CAMTA1: variants seen among roughly 807,000 people sequenced by gnomAD.
CAMTA1 encodes calmodulin-binding transcription activator 1.
CAMTA1 carries 27 observed loss-of-function variants against 170.9 expected under a neutral mutation model. The ratio of observed to expected loss-of-function variants is 0.16; its 90% confidence interval spans 0.12 to 0.22. CAMTA1 has a LOEUF of 0.22. Among genes scored for constraint, CAMTA1 ranks in the 10% least tolerant of loss-of-function variants. The pLI is 1.00. For synonymous variants in CAMTA1, 833 were observed against 891.5 expected (o/e 0.93, Z 1.17); for missense variants, 1,619 against 2,217.2 (o/e 0.73, Z 5.42).
chr1:6,815,578 T>C (rs1645694396), intron 1 of CAMTA1, among the ~76,000 whole-genome samples: 1 of 152,214 alleles, frequency 6.6e-6, no homozygotes. Flanking sequence ...AATTATCTTG[T>C]GTGGATATTC....
intron 5 of CAMTA1, among the ~76,000 whole-genome samples, chr1:7,272,449 A>C (rs191543489): frequency 8.4e-4 from 128 of 152,182 alleles, no homozygotes; most frequent in Non-Finnish European, 1.4e-3. Flanking sequence ...AAAATCTTTA[A>C]CAGAAGAACA....
At chr1:7,129,422 C>G (rs1645121161) in intron 4 of CAMTA1, among the ~76,000 whole-genome samples, 1 of 152,098 alleles carries the variant, frequency 6.6e-6, no homozygotes, top group South Asian at 2.1e-4. Flanking sequence ...GTCTCCAGGA[C>G]TCACTGCTTT....
chr1:6,792,862 C>T (rs1251929210), intron 1 of CAMTA1, among the ~76,000 whole-genome samples: 1 of 152,118 alleles, frequency 6.6e-6, no homozygotes, highest in African/African-American at 2.4e-5. Context: ...GTATTCATCA[C>T]TCTGCTCTCT....
At chr1:7,578,994 G>A (rs551964844) in intron 6 of CAMTA1, among the ~76,000 whole-genome samples, 1 of 152,310 alleles carries the variant, frequency 6.6e-6, no homozygotes, top group East Asian at 1.9e-4. Flanking sequence ...CACTACCCCT[G>A]CTCCAGGGAG....
intron 4 of CAMTA1, among the ~76,000 whole-genome samples, chr1:7,189,872 C>G (rs1241124334): frequency 6.6e-6 from 1 of 152,178 alleles, no homozygotes. Context: ...AAAGGTGGAA[C>G]CAACCCAAAT....
At chr1:7,515,110 C>T (rs1049829089) in intron 6 of CAMTA1, among the ~76,000 whole-genome samples, 3 of 150,150 alleles carry the variant, frequency 2.0e-5, no homozygotes, top group Non-Finnish European at 3.0e-5. Flanking sequence ...GATCATCAGG[C>T]TGGTCCTCCC....
At chr1:7,296,618 G>A (rs1022533044) in intron 5 of CAMTA1, among the ~76,000 whole-genome samples, 3 of 152,090 alleles carry the variant, frequency 2.0e-5, no homozygotes, top group African/African-American at 2.4e-5. Flanking sequence ...AGTGAATGAC[G>A]GTGCTATTCC....
At chr1:6,834,487 C>A in intron 3 of CAMTA1, 1 of 252,566 alleles carries the variant, frequency 4.0e-6, no homozygotes, top group Non-Finnish European at 7.8e-6. Context: ...AGTTATACGT[C>A]CTCCTGCACT....
chr1:6,939,714 C>A (rs1686089712), intron 3 of CAMTA1, among the ~76,000 whole-genome samples: 1 of 152,256 alleles, frequency 6.6e-6, no homozygotes, highest in Non-Finnish European at 1.5e-5. Flanking sequence ...CTGCTCAGAT[C>A]TCACCTCAGA....
chr1:7,454,793 C>T (rs1292045975), intron 5 of CAMTA1, among the ~76,000 whole-genome samples: 1 of 152,166 alleles, frequency 6.6e-6, no homozygotes, highest in Non-Finnish European at 1.5e-5. Flanking sequence ...TTACCTCTTC[C>T]TGCAAGGGGC....
intron 5 of CAMTA1, among the ~76,000 whole-genome samples, chr1:7,351,219 GA>G (rs1245111475): frequency 4.6e-5 from 7 of 152,364 alleles, no homozygotes; most frequent in Non-Finnish European, 7.3e-5. Context: ...TCCCAGGCAC[GA>G]TCCTGATGTC....
At chr1:7,106,980 C>T (rs572716255) in intron 4 of CAMTA1, among the ~76,000 whole-genome samples, 4 of 151,940 alleles carry the variant, frequency 2.6e-5, no homozygotes, top group East Asian at 2.0e-4. Context: ...GGGGAGATGT[C>T]GTGGAAACCG....
chr1:7,310,700 C>CTCTCTCTCTCTCTT (rs1361709842), intron 5 of CAMTA1, among the ~76,000 whole-genome samples: 180 of 53,400 alleles, frequency 3.4e-3, no homozygotes, highest in Non-Finnish European at 4.3e-3. Flanking sequence ...CTCTCTCTCT[C>CTCTCTCTCTCTCTT]TCTTTCTTTC....
chr1:6,989,511 T>C (rs1695956719), intron 3 of CAMTA1, among the ~76,000 whole-genome samples: 1 of 152,142 alleles, frequency 6.6e-6, no homozygotes, highest in Non-Finnish European at 1.5e-5. Flanking sequence ...CTGTTTTGCA[T>C]ATTTCCAGTG....
intron 11 of CAMTA1, among the ~76,000 whole-genome samples, chr1:7,726,935 A>G (rs768882340): frequency 1.3e-5 from 2 of 152,168 alleles, no homozygotes; most frequent in Non-Finnish European, 2.9e-5. Flanking sequence ...CCTTCTGTGC[A>G]GAATTTTCTC....
intron 3 of CAMTA1, among the ~76,000 whole-genome samples, chr1:6,992,260 C>CGT (rs1696507311): frequency 1.3e-5 from 2 of 150,500 alleles, no homozygotes; most frequent in Non-Finnish European, 3.0e-5. Context: ...TTTGTAGCAA[C>CGT]GTGGTCTTGC....
intron 11 of CAMTA1, among the ~76,000 whole-genome samples, chr1:7,686,003 C>T (rs1043967544): frequency 6.6e-6 from 1 of 152,202 alleles, no homozygotes; most frequent in Non-Finnish European, 1.5e-5. Flanking sequence ...TTCTCTACTT[C>T]TCGCCATCCT....
At position 7,330,811 on chromosome 1, in the gene CAMTA1, G is replaced by A. The variant is rs895738177; in HGVS notation, c.438+81185G>A. ...TGCAGGGAATGGATATGACAGTGAA[G>A]CCTGGCCCGCAGGAGCTGTGTGCAT... On this transcript the variant is annotated intron_variant, in intron 5 of 22. Transcript: ENST00000303635. 2.6e-5 allele frequency among the ~76,000 whole-genome samples: 4 copies of A among 152,230 alleles called. No homozygotes were observed. The South Asian group carries it at 8.3e-4, about 32-fold the overall frequency.
intron 4 of CAMTA1, among the ~76,000 whole-genome samples, chr1:7,228,572 G>T (rs1305846021): frequency 6.6e-6 from 1 of 152,224 alleles, no homozygotes; most frequent in East Asian, 1.9e-4. Context: ...AAGACCCCAA[G>T]ATAAAGGGCT....
Sources: allele counts gnomAD v4.1 joint callset (sites outside exome capture counted in the v4.1 genomes callset), GRCh38; gene constraint gnomAD v4.1.1; transcripts MANE v1.5; gene names NCBI Gene and HGNC (gene_info 2026-07-23, HGNC 2026-07-21).